TENM3: variants seen among roughly 807,000 people sequenced by gnomAD.
TENM3 encodes the protein teneurin-3.
In TENM3, 63 loss-of-function variants were observed where a neutral mutation model predicts 255.1. The ratio of observed to expected loss-of-function variants is 0.25; its 90% CI spans 0.20 to 0.30. The LOEUF is 0.30. Ranked by LOEUF, TENM3 falls within the 10% of genes least tolerant of loss-of-function variation. The pLI, the probability that TENM3 is intolerant of heterozygous loss-of-function variation, is 1.00. For synonymous variants in TENM3, 1,306 were observed against 1,322.3 expected, an observed-to-expected ratio of 0.99 and a Z score of 0.27; for missense variants, 2,929 against 3,461.1, an observed-to-expected ratio of 0.85 and a Z score of 3.86.
At chr4:182,345,173 T>G (rs1339223595) in intron 2 of TENM3, among the ~76,000 whole-genome samples, 1 of 152,176 alleles carries the variant, frequency 6.6e-6, no homozygotes, top group African/African-American at 2.4e-5. Flanking sequence ...TAAAGCTGAT[T>G]CCAACTTCTG....
chr4:181,725,877 T>C, the TENM3 span, among the ~76,000 whole-genome samples: 3 of 152,190 alleles, frequency 2.0e-5, no homozygotes, highest in Admixed American at 1.3e-4. Context: ...ACCAGTACGA[T>C]AGTATTTTAG....
the TENM3 span, among the ~76,000 whole-genome samples, chr4:181,699,935 G>C: frequency 6.6e-6 from 1 of 152,150 alleles, no homozygotes; most frequent in Admixed American, 6.5e-5. Context: ...AATGACAAAT[G>C]AGCGTAGCAT....
At chr4:181,526,653 T>C in the TENM3 span, among the ~76,000 whole-genome samples, 6 of 150,996 alleles carry the variant, frequency 4.0e-5, no homozygotes, top group African/African-American at 1.5e-4. Context: ...GTGGTAGTAG[T>C]GGTGGTAGTG....
At chr4:182,365,128 T>C (rs1766338440) in intron 3 of TENM3, among the ~76,000 whole-genome samples, 1 of 152,256 alleles carries the variant, frequency 6.6e-6, no homozygotes, top group Admixed American at 6.5e-5. Flanking sequence ...CTTACCTTTG[T>C]TGTAATTTGT....
chr4:182,770,600 C>T (rs533291573), intron 22 of TENM3, among the ~76,000 whole-genome samples: 21 of 152,286 alleles, frequency 1.4e-4, no homozygotes, highest in African/African-American at 3.4e-4. Context: ...AGTTCTATTC[C>T]GGGACCTGGC....
chr4:182,425,828 T>A (rs1358253092), intron 3 of TENM3, among the ~76,000 whole-genome samples: 1 of 151,772 alleles, frequency 6.6e-6, no homozygotes, highest in East Asian at 1.9e-4. Context: ...ACCAACATGG[T>A]GAAACCCTGT....
At chr4:182,348,114 C>T (rs11737512) in intron 3 of TENM3, among the ~76,000 whole-genome samples, 149,178 of 152,254 alleles carry the variant, frequency 0.98, 73,166 homozygotes, top group Middle Eastern at 1. Flanking sequence ...ATTTCTTATC[C>T]TAAGTAGAAT....
chr4:182,771,506 G>GC (rs1450926894), intron 22 of TENM3, among the ~76,000 whole-genome samples: 1 of 148,360 alleles, frequency 6.7e-6, no homozygotes, highest in Admixed American at 6.8e-5. Flanking sequence ...AATGGGGGGG[G>GC]GGGAAATAGT....
the TENM3 span, among the ~76,000 whole-genome samples, chr4:181,833,657 C>T: frequency 6.6e-6 from 1 of 152,144 alleles, no homozygotes; most frequent in African/African-American, 2.4e-5. Context: ...TTTAGACCTT[C>T]CTGCATTTCA....
At chr4:182,396,536 T>A (rs1323179915) in intron 3 of TENM3, among the ~76,000 whole-genome samples, 2 of 152,222 alleles carry the variant, frequency 1.3e-5, no homozygotes, top group African/African-American at 4.8e-5. Context: ...GTGCACTTCT[T>A]CATTGACATG....
At chr4:182,707,221 G>A (rs112206031) in intron 12 of TENM3, among the ~76,000 whole-genome samples, 3 of 150,410 alleles carry the variant, frequency 2.0e-5, no homozygotes, top group East Asian at 1.9e-4. Flanking sequence ...AGGTGCTGGG[G>A]TAGAGGGAAG....
At chr4:182,046,309 T>G in the TENM3 span, among the ~76,000 whole-genome samples, 7 of 152,218 alleles carry the variant, frequency 4.6e-5, no homozygotes, top group East Asian at 1.2e-3. Context: ...TATCTCAGTT[T>G]CTTAATCTGT....
intron 3 of TENM3, among the ~76,000 whole-genome samples, chr4:182,556,823 A>G (rs1176105565): frequency 1.3e-5 from 2 of 152,228 alleles, no homozygotes; most frequent in African/African-American, 2.4e-5. Flanking sequence ...AGAAAAGCAT[A>G]CAAAAACATC....
chr4:181,955,662 G>T, the TENM3 span, among the ~76,000 whole-genome samples: 1 of 152,184 alleles, frequency 6.6e-6, no homozygotes, highest in African/African-American at 2.4e-5. Flanking sequence ...TGACAAAGGG[G>T]CGCAGGTCCT....
intron 1 of TENM3, among the ~76,000 whole-genome samples, chr4:182,322,823 C>G (rs148208931): frequency 2.0e-5 from 3 of 152,068 alleles, no homozygotes; most frequent in African/African-American, 7.2e-5. Flanking sequence ...ATCTCAACAG[C>G]GGTCACGGCC....
At chr4:181,493,337 T>C in the TENM3 span, among the ~76,000 whole-genome samples, 2 of 148,238 alleles carry the variant, frequency 1.3e-5, no homozygotes, top group East Asian at 3.9e-4. Context: ...AGTCTGCAAA[T>C]GTAAGCATGC....
intron 12 of TENM3, among the ~76,000 whole-genome samples, chr4:182,697,334 A>G (rs1181283885): frequency 6.6e-6 from 1 of 152,134 alleles, no homozygotes; most frequent in Non-Finnish European, 1.5e-5. Context: ...TCTGTCATTC[A>G]CAGTGGAAAG....
At chr4:182,061,262 C>T in the TENM3 span, among the ~76,000 whole-genome samples, 2 of 152,082 alleles carry the variant, frequency 1.3e-5, no homozygotes, top group Non-Finnish European at 2.9e-5. Flanking sequence ...AAAACAATGA[C>T]CTACATAAGG....
chr4:181,801,272 T>C, the TENM3 span, among the ~76,000 whole-genome samples: 11 of 152,120 alleles, frequency 7.2e-5, no homozygotes, highest in African/African-American at 2.4e-4. Context: ...TAAGACTCTT[T>C]ACACGTCTGA....
Sources: allele counts gnomAD v4.1 joint callset (sites outside exome capture counted in the v4.1 genomes callset), GRCh38; gene constraint gnomAD v4.1.1; transcripts MANE v1.5; gene names NCBI Gene and HGNC (gene_info 2026-07-23, HGNC 2026-07-21).